Variants in PARVA observed in about 807,000 individuals in gnomAD.
The protein encoded by PARVA is alpha-parvin.
PARVA carries 25 observed loss-of-function variants against 52.6 expected under a neutral mutation model. That is an observed-to-expected ratio of 0.48 (90% CI 0.35 to 0.66). PARVA has a LOEUF of 0.66. PARVA is among the 30% of genes least tolerant of loss of function. The pLI is 0.01. For synonymous variants in PARVA, 185 were observed against 179.1 expected (o/e 1.03, Z -0.26); for missense variants, 373 against 450.9 (o/e 0.83, Z 1.56).
chr11:12,490,215 C>T (rs1377965166), intron 4 of PARVA, among the ~76,000 whole-genome samples: 1 of 107,694 alleles, frequency 9.3e-6, no homozygotes, highest in Non-Finnish European at 1.8e-5. Context: ...GACTCAGTCT[C>T]AAAAAAAAAA....
chr11:12,478,954 A>T (rs766452076), intron 4 of PARVA: 1 of 152,258 alleles, frequency 6.6e-6, no homozygotes, highest in South Asian at 2.1e-4. Context: ...CATTCAAAGC[A>T]TTCCATCATC....
Position 12,531,255 on chromosome 11 carries a change from G to A in PARVA, c.*3330G>A, listed in dbSNP as rs918694012. 6.6e-6 allele frequency among the ~76,000 whole-genome samples: 1 copy of A among 152,196 alleles called. No individual in the cohort carries two copies. The highest frequency in any genetic ancestry group is 1.9e-4 in the East Asian group (1 of 5,192). On this transcript the variant is annotated 3_prime_UTR_variant, in exon 13 of 13. Coordinates refer to ENST00000334956, the MANE Select transcript of PARVA (RefSeq NM_018222.5). ...AGGCTTCTTTATCAGCACATCATCA[G>A]TGTTGCCTCGAGTTGGTTGCAATTT...
intron 4 of PARVA, among the ~76,000 whole-genome samples, chr11:12,489,857 C>G (rs569751740): frequency 6.6e-6 from 1 of 152,222 alleles, no homozygotes; most frequent in East Asian, 1.9e-4. Flanking sequence ...AAAGTGCTGA[C>G]AAAAATGATC....
intron 4 of PARVA, among the ~76,000 whole-genome samples, chr11:12,488,366 T>C (rs1250172946): frequency 6.6e-6 from 1 of 152,206 alleles, no homozygotes; most frequent in Admixed American, 6.5e-5. Flanking sequence ...TTGTATGGGA[T>C]GGCTAAACTG....
At chr11:12,441,411 C>G (rs1216782162) in intron 1 of PARVA, among the ~76,000 whole-genome samples, 1 of 151,944 alleles carries the variant, frequency 6.6e-6, no homozygotes, top group East Asian at 1.9e-4. Context: ...TGATCCTGAG[C>G]CTTTTCCCAT....
At chr11:12,394,559 G>A (rs1939706875) in intron 1 of PARVA, among the ~76,000 whole-genome samples, 1 of 152,196 alleles carries the variant, frequency 6.6e-6, no homozygotes, top group Admixed American at 6.5e-5. Flanking sequence ...ATGCAGTGTA[G>A]GGGTCAAGGT....
chr11:12,510,308 A>G (rs1380674486), intron 7 of PARVA, among the ~76,000 whole-genome samples: 3 of 152,266 alleles, frequency 2.0e-5, no homozygotes, highest in Non-Finnish European at 4.4e-5. Context: ...GGATAAACCA[A>G]TATAATAATC....
rs201100837 is a variant in PARVA at position 12,504,354 on chromosome 11, C to T, written c.582C>T (p.Leu194=). The T allele has an allele frequency of 1.8e-4, 289 of 1,613,560 alleles. No homozygotes were observed. Among genetic ancestry groups the T allele is most frequent in the Non-Finnish European group, 1.5e-4 (177 of 1,179,628 alleles). The change falls in exon 6 of 13, where the codon CTC becomes CTT. Residue 194 remains leucine, a synonymous_variant. Coordinates refer to ENST00000334956, the MANE Select transcript of PARVA (RefSeq NM_018222.5). ...AKSLVAILHL[L]VALSQYFRAP... ...GCCTGGTGGCCATCTTACACCTGCT[C>T]GTTGCTCTGTCTCAGTATTTCCGCG...
chr11:12,489,235 A>T (rs1380136279), intron 4 of PARVA, among the ~76,000 whole-genome samples: 2 of 152,124 alleles, frequency 1.3e-5, no homozygotes, highest in East Asian at 3.8e-4. Flanking sequence ...ATATGTCAAA[A>T]TAAATGTTTT....
At chr11:12,493,239 C>G (rs544049124) in intron 4 of PARVA, among the ~76,000 whole-genome samples, 9 of 151,750 alleles carry the variant, frequency 5.9e-5, no homozygotes, top group African/African-American at 2.2e-4. Flanking sequence ...GCCTGTAATC[C>G]CAGCTACTTA....
chr11:12,462,974 T>C (rs1007318027), intron 1 of PARVA, among the ~76,000 whole-genome samples: 2 of 152,106 alleles, frequency 1.3e-5, no homozygotes, highest in Non-Finnish European at 2.9e-5. Flanking sequence ...TTCTTGGTGA[T>C]GGGAGGAAAC....
At chr11:12,411,218 A>G (rs1176839191) in intron 1 of PARVA, among the ~76,000 whole-genome samples, 1 of 152,244 alleles carries the variant, frequency 6.6e-6, no homozygotes, top group Non-Finnish European at 1.5e-5. Context: ...GGTTGCTGCA[A>G]AGGTAATTGC....
chr11:12,457,011 C>A (rs765178578), intron 1 of PARVA, among the ~76,000 whole-genome samples: 4 of 152,190 alleles, frequency 2.6e-5, no homozygotes, highest in Non-Finnish European at 1.5e-5. Flanking sequence ...ATGGCCTTTG[C>A]CACTCTATGC....
rs985208952 is a variant in PARVA at position 12,466,781 on chromosome 11, T to C, written c.137-6964T>C. Among the ~76,000 whole-genome samples the C allele has an allele frequency of 7.2e-5, 11 of 152,266 alleles. No individual in the cohort carries two copies. In the South Asian group the frequency reaches 8.3e-4, roughly 11 times the overall value. On this transcript the variant is annotated intron_variant, in intron 1 of 12. Coordinates refer to ENST00000334956, the MANE Select transcript of PARVA (RefSeq NM_018222.5). ...CTTAGGTCTGTGATCATTTTAACAA[T>C]TGATGATTGTATGTTTTTAGTAGTC...
intron 1 of PARVA, among the ~76,000 whole-genome samples, chr11:12,412,960 A>G (rs944810653): frequency 6.6e-6 from 1 of 152,246 alleles, no homozygotes; most frequent in Non-Finnish European, 1.5e-5. Context: ...AATCTGAAAT[A>G]ATGAAGCTGG....
At chr11:12,475,030 C>T (rs919215180) in intron 3 of PARVA, among the ~76,000 whole-genome samples, 2 of 152,126 alleles carry the variant, frequency 1.3e-5, no homozygotes, top group African/African-American at 4.8e-5. Context: ...TTCCCCTGTG[C>T]AAGACCTCTC....
At chr11:12,449,152 T>TTA (rs1940588874) in intron 1 of PARVA, among the ~76,000 whole-genome samples, 1 of 151,748 alleles carries the variant, frequency 6.6e-6, no homozygotes, top group Non-Finnish European at 1.5e-5. Context: ...ATTTATTTAT[T>TTA]TTTATTTTAT....
rs962191585 is a variant in PARVA, at chr11:12,496,452, C to T, written c.401-6C>T. ...CAGCTGTTCTCTTTTCCCTTGTCAC[C>T]CTCAGAGAAACTGGAGAGTGAGAAG... On this transcript the variant is annotated splice_polypyrimidine_tract_variant and splice_region_variant and intron_variant, in intron 4 of 12. Coordinates refer to ENST00000334956, the MANE Select transcript of PARVA (RefSeq NM_018222.5). 1 of 1,605,242 alleles carries T rather than the reference C, an allele frequency of 6.2e-7. No homozygotes were observed. Among genetic ancestry groups the T allele is most frequent in the Admixed American group, 1.7e-5 (1 of 58,898 alleles).
At chr11:12,412,070 T>C (rs762460127) in intron 1 of PARVA, among the ~76,000 whole-genome samples, 2 of 152,090 alleles carry the variant, frequency 1.3e-5, no homozygotes, top group East Asian at 1.9e-4. Flanking sequence ...TCCTCCCTGA[T>C]GCAATTCCCA....
Sources: allele counts gnomAD v4.1 joint callset (sites outside exome capture counted in the v4.1 genomes callset), GRCh38; gene constraint gnomAD v4.1.1; transcripts MANE v1.5; gene names NCBI Gene and HGNC (gene_info 2026-07-23, HGNC 2026-07-21).